CLASP2: variants seen among roughly 807,000 people sequenced by gnomAD.
CLASP2 encodes the protein cytoplasmic linker associated protein 2, also known as CLIP-associating protein 2.
A neutral mutation model predicts 194.4 loss-of-function variants in CLASP2; 47 were observed. That is an observed-to-expected ratio of 0.24 (90% confidence interval 0.19 to 0.31). The LOEUF (loss-of-function observed/expected upper bound fraction) is 0.31. Ranked by LOEUF, CLASP2 falls within the 10% of genes least tolerant of loss-of-function variation. CLASP2 has a pLI of 1.00. For synonymous variants in CLASP2, 619 were observed against 633.5 expected (o/e 0.98, Z 0.34); for missense variants, 1,445 against 1,823.6 (o/e 0.79, Z 3.78).
chr3:33,592,205 A>C, intron 21 of CLASP2, 190 bp downstream of exon 21: 1 of 707,026 alleles, frequency 1.4e-6, no homozygotes, highest in Non-Finnish European at 2.6e-6. Context: ...AAACATTGAA[A>C]AAAATACCTT....
At chr3:33,594,874 T>A (rs1417247024) in intron 20 of CLASP2, 77 bp downstream of exon 20, 1 of 773,614 alleles carries the variant, frequency 1.3e-6, no homozygotes, top group African/African-American at 1.8e-5. Context: ...CCTATTTTAG[T>A]TCTAATATTT....
chr3:33,676,265 C>T (rs1335871781), intron 6 of CLASP2, among the ~76,000 whole-genome samples: 1 of 150,086 alleles, frequency 6.7e-6, no homozygotes, highest in African/African-American at 2.4e-5. Flanking sequence ...ACAGAGCCCT[C>T]AGAAATAACG....
At chr3:33,580,303 T>C (rs1320946200) in intron 23 of CLASP2, among the ~76,000 whole-genome samples, 1 of 152,194 alleles carries the variant, frequency 6.6e-6, no homozygotes, top group Non-Finnish European at 1.5e-5. Context: ...GGATCACACC[T>C]GTAATCCTAA....
intron 26 of CLASP2, among the ~76,000 whole-genome samples, chr3:33,567,745 A>T (rs1267653332): frequency 6.6e-6 from 1 of 152,244 alleles, no homozygotes; most frequent in East Asian, 1.9e-4. Context: ...AATTGGAGGT[A>T]GAATTTGAAC....
chr3:33,602,565 C>T (rs768894147), intron 18 of CLASP2: 1 of 762,962 alleles, frequency 1.3e-6, no homozygotes, highest in South Asian at 1.4e-5. Context: ...TGCAGTTCTC[C>T]CAGATCTCCA....
At chr3:33,613,932 C>A (rs1002246284) in intron 12 of CLASP2, among the ~76,000 whole-genome samples, 2 of 152,164 alleles carry the variant, frequency 1.3e-5, no homozygotes, top group African/African-American at 4.8e-5. Flanking sequence ...TCAGGGGGAG[C>A]TGTACCAAAG....
At chr3:33,716,469 C>T (rs2093306895) in intron 1 of CLASP2, among the ~76,000 whole-genome samples, 1 of 152,186 alleles carries the variant, frequency 6.6e-6, no homozygotes, top group Non-Finnish European at 1.5e-5. Flanking sequence ...CAATTCACAA[C>T]AGCCCGTGTA....
Position 33,663,471 on chromosome 3 carries a change from C to G in CLASP2, c.689G>C (p.Gly230Ala). Residue 230 changes from glycine to alanine, a missense_variant, in exon 7 of 39, where the codon GGC becomes GCC. Physicochemically the swap from Gly to Ala is moderately conservative, Grantham distance 60 (BLOSUM62 0). Transcript: ENST00000682230. ...TTTGCAGACACTCAAAATCATACCG[C>G]CTGAACTTTGCACTTCATCAAATTT... ...FAKFDEVQSSGGMILSVCKDK... is the reference protein window; with the variant it reads ...FAKFDEVQSSAGMILSVCKDK... 6.2e-7 allele frequency: 1 copy of G among 1,612,552 alleles called. No homozygotes were observed. The highest frequency in any genetic ancestry group is 8.5e-7 in the Non-Finnish European group (1 of 1,179,150).
chr3:33,638,550 C>A (rs1403522255), intron 8 of CLASP2, among the ~76,000 whole-genome samples: 2 of 152,202 alleles, frequency 1.3e-5, no homozygotes, highest in Non-Finnish European at 2.9e-5. Flanking sequence ...TTGTTAGCCG[C>A]CCGCCTAGGC....
chr3:33,686,112 G>A (rs1355605408), intron 5 of CLASP2, among the ~76,000 whole-genome samples: 6 of 152,158 alleles, frequency 3.9e-5, no homozygotes, highest in African/African-American at 1.4e-4. Context: ...AGCAACTGAA[G>A]AGACAGTAGA....
chr3:33,553,564 AG>A lies in CLASP2; in HGVS notation c.3010-2170del, dbSNP rs368407319. Among the ~76,000 whole-genome samples the A allele has an allele frequency of 4.6e-5, 7 of 152,366 alleles. No individual in the cohort carries two copies. In the South Asian group the frequency reaches 1.4e-3, roughly 32 times the overall value. Reference sequence around the variant, plus strand: ...AAGGATCTGAATAGACATTTGTCAAAGAAAGACATACAAATGGCCAACAGGT... The same window carrying A: ...AAGGATCTGAATAGACATTTGTCAAAAAAGACATACAAATGGCCAACAGGT... On this transcript the variant is annotated intron_variant, in intron 29 of 38. Coordinates refer to ENST00000682230, the MANE Select transcript of CLASP2 (RefSeq NM_001365631.1).
chr3:33,706,652 T>A (rs565113856), intron 1 of CLASP2, among the ~76,000 whole-genome samples: 4 of 152,246 alleles, frequency 2.6e-5, no homozygotes, highest in African/African-American at 9.6e-5. Flanking sequence ...TCATGACATA[T>A]TTTTCTTTAA....
rs773999078 is a variant in CLASP2, at chr3:33,584,820, T to C, written c.2169A>G (p.Ala723=). Residue 723 remains alanine (A), a synonymous_variant, in exon 22 of 39, where the codon GCA becomes GCG. Transcript: ENST00000682230. ...TCCGTGGTATCTTGCTTCTTTTTTG[T>C]GCTGAGGCTGAATTGACCAGGACTC... is the stretch of plus-strand genomic sequence containing the variant. ...VQRVLVNSAS[A]QKRSKIPRSQ... is the part of the protein sequence containing the mutation. 2 of 1,613,858 alleles carry C rather than the reference T, an allele frequency of 1.2e-6. No individual in the cohort carries two copies. Among genetic ancestry groups the C allele is most frequent in the Non-Finnish European group, 1.7e-6 (2 of 1,179,856 alleles).
intron 7 of CLASP2, chr3:33,645,432 C>T: frequency 1.4e-6 from 1 of 732,274 alleles, no homozygotes; most frequent in South Asian, 1.5e-5. Context: ...GAAACAACCA[C>T]AGAACCACCA....
intron 6 of CLASP2, among the ~76,000 whole-genome samples, chr3:33,681,043 T>C (rs1199235240): frequency 2.0e-5 from 3 of 149,722 alleles, no homozygotes; most frequent in Non-Finnish European, 3.0e-5. Flanking sequence ...GAGAATTGCT[T>C]GAACCCGGGA....
chr3:33,678,567 T>TA (rs1168657857), intron 6 of CLASP2, among the ~76,000 whole-genome samples: 1 of 152,100 alleles, frequency 6.6e-6, no homozygotes, highest in African/African-American at 2.4e-5. Flanking sequence ...CCTTTAAAAG[T>TA]AAAGAAGAAA....
chr3:33,605,982 C>T (rs1284687415), intron 16 of CLASP2, among the ~76,000 whole-genome samples: 3 of 151,928 alleles, frequency 2.0e-5, no homozygotes, highest in Non-Finnish European at 2.9e-5. Context: ...CAAGAGGTCA[C>T]GAAGAGGGAC....
Position 33,619,457 on chromosome 3 carries a change from T to C in CLASP2, c.1317+146A>G, listed in dbSNP as rs1325453321. 2.2e-5 allele frequency: 15 copies of C among 672,390 alleles called. No individual in the cohort carries two copies. In the Middle Eastern group the frequency reaches 1.1e-3, roughly 48 times the overall value. The allele number at this position is 672,390 out of a possible 1,614,324, so 41.7% of individuals were successfully genotyped here. A position where few individuals can be genotyped will look rare whatever the true frequency, so the allele number is the denominator to read the frequency against. Reference sequence around the variant, plus strand: ...CACTATCAGAAAAATAATTCAAAAATGATTTGCTTTTGGGGTTCAAAAAGA... The same window carrying C: ...CACTATCAGAAAAATAATTCAAAAACGATTTGCTTTTGGGGTTCAAAAAGA... On this transcript the variant is annotated intron_variant, in intron 12 of 38. Coordinates refer to ENST00000682230, the MANE Select transcript of CLASP2 (RefSeq NM_001365631.1).
intron 13 of CLASP2, 29 bp downstream of exon 13, chr3:33,611,969 TAAC>T (rs529548828): frequency 1.4e-4 from 201 of 1,473,428 alleles, no homozygotes; most frequent in Middle Eastern, 3.4e-4. Context: ...AGAGCTATAC[TAAC>T]AACAACAACA....
Sources: gnomAD v4.1 joint callset for allele counts (sites outside exome capture counted in the v4.1 genomes callset) on GRCh38, gnomAD v4.1.1 for gene constraint, MANE v1.5 for transcripts, NCBI Gene and HGNC (gene_info 2026-07-23, HGNC 2026-07-21) for gene names.